EPB41L1: variants seen among roughly 807,000 people sequenced by gnomAD.
The protein encoded by EPB41L1 is erythrocyte membrane protein band 4.1 like 1.
A neutral mutation model predicts 97.8 loss-of-function variants in EPB41L1; 29 were observed. That is an observed-to-expected ratio of 0.30 (90% confidence interval 0.22 to 0.40). EPB41L1 has a LOEUF of 0.40. EPB41L1 is among the 10% of genes least tolerant of loss of function. The pLI, the probability that EPB41L1 is intolerant of heterozygous loss-of-function variation, is 1.00. For missense variants in EPB41L1, 812 were observed against 1,162.3 expected (o/e 0.70, Z 4.38); for synonymous variants, 383 against 459.2 (o/e 0.83, Z 2.12).
chr20:36,198,133 A>C, intron 14 of EPB41L1, 92 bp downstream of exon 14: 3 of 1,162,698 alleles, frequency 2.6e-6, no homozygotes, highest in Non-Finnish European at 3.8e-6. Context: ...CCACACCAAT[A>C]TGCTTCCCCC....
chr20:36,224,420 A>G (rs2063984603), intron 21 of EPB41L1, among the ~76,000 whole-genome samples: 1 of 152,122 alleles, frequency 6.6e-6, no homozygotes, highest in Non-Finnish European at 1.5e-5. Flanking sequence ...GGCCAAAGCA[A>G]GTGGATCACC....
chr20:36,179,462 A>G lies in EPB41L1; in HGVS notation c.490+790A>G, dbSNP rs568835140. ...TCTTGAGGCCTGGTCTTCCAACACC[A>G]TCCTGTGCTCTTTTCAAGGCCTGGG... On this transcript the variant is annotated intron_variant, in intron 5 of 21. Coordinates refer to ENST00000338074, the MANE Select transcript of EPB41L1 (RefSeq NM_012156.2). 6.0e-4 allele frequency among the ~76,000 whole-genome samples: 91 copies of G among 152,350 alleles called. No homozygotes were observed. In the Middle Eastern group the frequency reaches 0.01, roughly 17 times the overall value.
intron 2 of EPB41L1, among the ~76,000 whole-genome samples, chr20:36,134,625 T>C (rs953901651): frequency 6.6e-6 from 1 of 152,114 alleles, no homozygotes; most frequent in African/African-American, 2.4e-5. Context: ...ACCCAGGCCA[T>C]GGAGTTGAGA....
intron 3 of EPB41L1, among the ~76,000 whole-genome samples, chr20:36,176,104 C>T (rs1231386406): frequency 1.3e-5 from 2 of 152,170 alleles, no homozygotes; most frequent in Non-Finnish European, 2.9e-5. Context: ...AGAGAGGGCT[C>T]CTCCCTTCCT....
At chr20:36,146,373 C>G (rs1193295799) in intron 2 of EPB41L1, among the ~76,000 whole-genome samples, 2 of 152,248 alleles carry the variant, frequency 1.3e-5, no homozygotes, top group Non-Finnish European at 2.9e-5. Flanking sequence ...GAGTCTGATT[C>G]ATGCCCAGAG....
chr20:36,144,331 G>GAGCCAGGGTTA (rs1600563119), intron 2 of EPB41L1, among the ~76,000 whole-genome samples: 1 of 152,136 alleles, frequency 6.6e-6, no homozygotes, highest in East Asian at 1.9e-4. Flanking sequence ...CTGGTTCCTT[G>GAGCCAGGGTTA]AGCCAGGGTC....
At chr20:36,172,326 G>T (rs1325986989) in intron 1 of EPB41L1, among the ~76,000 whole-genome samples, 1 of 152,088 alleles carries the variant, frequency 6.6e-6, no homozygotes, top group Non-Finnish European at 1.5e-5. Context: ...TGATCTGCCT[G>T]CCTCGGCCTC....
At chr20:36,218,373 T>G (rs2063566607) in intron 17 of EPB41L1, among the ~76,000 whole-genome samples, 1 of 152,258 alleles carries the variant, frequency 6.6e-6, no homozygotes, top group Admixed American at 6.5e-5. Context: ...ATATTCTAAA[T>G]AGCCAGCTTA....
Position 36,093,456 on chromosome 20 carries a change from C to G in EPB41L1, c.-65+1844C>G, listed in dbSNP as rs79012926. Among the ~76,000 whole-genome samples, 3,183 of 150,554 alleles carry G rather than the reference C, an allele frequency of 0.021. 118 individuals are homozygous for G. Among genetic ancestry groups the G allele is most frequent in the African/African-American group, 0.074 (3,035 of 41,120 alleles). On this transcript the variant is annotated intron_variant, in intron 1 of 19. Coordinates refer to the EPB41L1 transcript ENST00000202028. This position sits in a 1 kb window ranked among gnomAD's most constrained non-coding sequence, Gnocchi z 5.4. ...TTGTCTTCGCACTGCCGGGAGGAAG[C>G]GGTGGGGGCGGCGGTCCAGGCGCCG...
chr20:36,143,140 TGTG>T (rs1315607326), intron 2 of EPB41L1, among the ~76,000 whole-genome samples: 1 of 38,976 alleles, frequency 2.6e-5, no homozygotes. Flanking sequence ...GGTGTGTTTG[TGTG>T]TGTGTGTGTG....
At chr20:36,174,902 AT>A (rs759320687) in intron 2 of EPB41L1, among the ~76,000 whole-genome samples, 1 of 152,010 alleles carries the variant, frequency 6.6e-6, no homozygotes, top group Non-Finnish European at 1.5e-5. Flanking sequence ...CTTTCCATTT[AT>A]TTTCCTACCC....
At chr20:36,117,009 A>G (rs2058605979) in intron 2 of EPB41L1, among the ~76,000 whole-genome samples, 1 of 152,212 alleles carries the variant, frequency 6.6e-6, no homozygotes, top group African/African-American at 2.4e-5. Flanking sequence ...GAGGAAAATG[A>G]TGACAAATGC....
intron 1 of EPB41L1, among the ~76,000 whole-genome samples, chr20:36,108,639 A>G (rs149490008): frequency 0.012 from 1,812 of 152,230 alleles, 38 homozygotes; most frequent in African/African-American, 0.041. Context: ...GTGCCACTGC[A>G]CTCCAGCCTG....
rs1010401384 is a variant in EPB41L1 at position 36,175,453 on chromosome 20, T to G, written c.178-98T>G. On this transcript the variant is annotated intron_variant, in intron 2 of 21. Coordinates refer to ENST00000338074, the MANE Select transcript of EPB41L1 (RefSeq NM_012156.2). Reference sequence around the variant, plus strand: ...CGGTAGCGACTTTCATTCTGGGGTCTGTCTTGGCCCCAGATGCCTCTATAT... The same window carrying G: ...CGGTAGCGACTTTCATTCTGGGGTCGGTCTTGGCCCCAGATGCCTCTATAT... The G allele has an allele frequency of 8.5e-5, 121 of 1,417,812 alleles. No individual in the cohort carries two copies. In the Admixed American group the frequency reaches 2.0e-3, roughly 23 times the overall value. The allele number at this position is 1,417,812 out of a possible 1,614,324, so 87.8% of individuals were successfully genotyped here.
In EPB41L1 at chr20:36,228,382, G is replaced by A. The variant is rs190007567; in HGVS notation, c.2638-950G>A. 1.1e-3 allele frequency among the ~76,000 whole-genome samples: 160 copies of A among 152,236 alleles called. 1 individual carries two copies. Among genetic ancestry groups the A allele is most frequent in the African/African-American group, 3.7e-3 (152 of 41,526 alleles). On this transcript the variant is annotated intron_variant, in intron 21 of 21. Coordinates refer to ENST00000338074, the MANE Select transcript of EPB41L1 (RefSeq NM_012156.2). ...TAATGGGAGGCAGAACCTATTTTAC[G>A]GAGGAAGCAATTGAGGCTTAAAGAA...
chr20:36,180,389 G>A (rs2146081854), intron 5 of EPB41L1, among the ~76,000 whole-genome samples: 1 of 152,274 alleles, frequency 6.6e-6, no homozygotes, highest in South Asian at 2.1e-4. Context: ...TAGGGCACCT[G>A]GGACAAGCTT....
In EPB41L1 at chr20:36,206,230, A is replaced by G; in HGVS notation, c.1669-3258A>G. The G allele has an allele frequency of 7.8e-7, 1 of 1,289,932 alleles. No individual in the cohort carries two copies. The highest frequency in any genetic ancestry group is 1.0e-6 in the Non-Finnish European group (1 of 988,890). The allele number at this position is 1,289,932 out of a possible 1,614,324, so 79.9% of individuals were successfully genotyped here. A position where few individuals can be genotyped will look rare whatever the true frequency, so the allele number is the denominator to read the frequency against. ...CAGGGCAGACACCAGAGAGGCAACCATCAGGAACCGCTGCATGTCAGATGG... is the reference window on the plus strand; with the variant it reads ...CAGGGCAGACACCAGAGAGGCAACCGTCAGGAACCGCTGCATGTCAGATGG... On this transcript the variant is annotated intron_variant, in intron 14 of 21. Coordinates refer to ENST00000338074, the MANE Select transcript of EPB41L1 (RefSeq NM_012156.2). The surrounding 1 kb of genome is among the most constrained non-coding windows in gnomAD (Gnocchi z 5.5).
At chr20:36,197,184 C>T (rs1417304610) in intron 13 of EPB41L1, among the ~76,000 whole-genome samples, 2 of 152,084 alleles carry the variant, frequency 1.3e-5, no homozygotes, top group Admixed American at 6.5e-5. Context: ...AGACTAGATG[C>T]AATTTTTTCC....
intron 2 of EPB41L1, among the ~76,000 whole-genome samples, chr20:36,145,874 A>G (rs942987242): frequency 2.6e-5 from 4 of 152,216 alleles, no homozygotes; most frequent in African/African-American, 4.8e-5. Flanking sequence ...GCTCCTTTCT[A>G]TCTCCTCAGG....
Sources: allele counts gnomAD v4.1 joint callset (sites outside exome capture counted in the v4.1 genomes callset), GRCh38; gene constraint gnomAD v4.1.1; non-coding constraint Gnocchi (gnomAD v3.1); transcripts MANE v1.5; gene names NCBI Gene and HGNC (gene_info 2026-07-23, HGNC 2026-07-21).